The following PUM1 variants were observed in gnomAD, a reference collection of about 807,000 sequenced individuals.
PUM1 encodes the protein pumilio RNA binding family member 1, also known as pumilio homolog 1.
Under a neutral mutation model 131.8 loss-of-function variants are expected in PUM1, and 13 were observed. The ratio of observed to expected loss-of-function variants is 0.10; its 90% CI spans 0.06 to 0.16. The LOEUF is 0.16. Ranked by LOEUF, PUM1 falls within the 10% of genes least tolerant of loss-of-function variation. The probability of loss-of-function intolerance (pLI) is 1.00; values close to 1 mark genes in which losing one functional copy is unlikely to be tolerated. For synonymous variants in PUM1, 509 were observed against 556.5 expected, an observed-to-expected ratio of 0.91 and a Z score of 1.20; for missense variants, 961 against 1,512.4, an observed-to-expected ratio of 0.64 and a Z score of 6.05.
intron 2 of PUM1, among the ~76,000 whole-genome samples, chr1:31,044,226 C>A (rs1486527092): frequency 6.6e-6 from 1 of 151,930 alleles, no homozygotes; most frequent in Non-Finnish European, 1.5e-5. Flanking sequence ...ACTGTGAAAC[C>A]CCGTCTCAAC....
At chr1:30,947,085 G>A (rs1339830332) in intron 17 of PUM1, among the ~76,000 whole-genome samples, 1 of 152,096 alleles carries the variant, frequency 6.6e-6, no homozygotes, top group Non-Finnish European at 1.5e-5. Context: ...CTTACGGAGT[G>A]GACACCACCA....
intron 18 of PUM1, among the ~76,000 whole-genome samples, chr1:30,943,456 T>C (rs1639544548): frequency 6.6e-6 from 1 of 152,126 alleles, no homozygotes; most frequent in Non-Finnish European, 1.5e-5. Flanking sequence ...TTCACCGTGT[T>C]GGCCAGGCTG....
intron 1 of PUM1, among the ~76,000 whole-genome samples, chr1:31,060,794 G>A (rs1385782230): frequency 6.6e-6 from 1 of 151,772 alleles, no homozygotes; most frequent in Non-Finnish European, 1.5e-5. Flanking sequence ...GCTGAGGCAG[G>A]AGAATCGTTT....
At chr1:31,049,337 G>A (rs1369999707) in intron 2 of PUM1, among the ~76,000 whole-genome samples, 1 of 152,148 alleles carries the variant, frequency 6.6e-6, no homozygotes, top group African/African-American at 2.4e-5. Flanking sequence ...CCAACATGGT[G>A]AAACCCTGTC....
rs1167291141 is a variant in PUM1 at position 30,992,386 on chromosome 1, G to A, written c.1158+4C>T. On this transcript the variant is annotated splice_donor_region_variant and intron_variant, in intron 7 of 21. Coordinates refer to ENST00000426105, the MANE Select transcript of PUM1 (RefSeq NM_001020658.2). ...AGAGAGGGTGACAGAGACACACACAGTACCTGTTGTTGAGAATTGTAGTCA... is the reference window on the plus strand; with the variant it reads ...AGAGAGGGTGACAGAGACACACACAATACCTGTTGTTGAGAATTGTAGTCA... 1 of 1,613,102 alleles carries A rather than the reference G, an allele frequency of 6.2e-7. No individual in the cohort carries two copies. Among genetic ancestry groups the A allele is most frequent in the East Asian group, 2.2e-5 (1 of 44,872 alleles).
chr1:30,946,429 G>C (rs1307326347), intron 17 of PUM1, among the ~76,000 whole-genome samples: 1 of 151,358 alleles, frequency 6.6e-6, no homozygotes, highest in Non-Finnish European at 1.5e-5. Context: ...ACAAGGTCAG[G>C]AGTTCGAGAC....
chr1:31,059,193 CTTTT>C lies in PUM1; in HGVS notation c.363+7_363+10del. On this transcript the variant is annotated splice_region_variant and intron_variant, in intron 2 of 21. Transcript: ENST00000426105. ...GGAATGTCAAAGCTAAAATAGTGAA[CTTTT>C]TTTTACCTGATGTTCTGCATGAATG... 1 of 1,543,156 alleles carries C rather than the reference CTTTT, an allele frequency of 6.5e-7. No homozygotes were observed. The highest frequency in any genetic ancestry group is 8.7e-7 in the Non-Finnish European group (1 of 1,144,424).
Position 30,945,247 on chromosome 1 carries a change from T to C in PUM1, c.2994+99A>G. 6 of 1,370,526 alleles carry C rather than the reference T, an allele frequency of 4.4e-6. No homozygotes were observed. The South Asian group carries it at 5.1e-5, about 12-fold the overall frequency. 84.9% of individuals were successfully genotyped at this position (1,370,526 alleles called of 1,614,324 possible). Reference sequence around the variant, plus strand: ...GGATCCAGTCTCAAAAAAAATAAAGTACATTAAGCATATTGAGAACATGCC... The same window carrying C: ...GGATCCAGTCTCAAAAAAAATAAAGCACATTAAGCATATTGAGAACATGCC... On this transcript the variant is annotated intron_variant, in intron 18 of 21. Coordinates refer to ENST00000426105, the MANE Select transcript of PUM1 (RefSeq NM_001020658.2).
At chr1:31,044,243 T>C (rs1557601942) in intron 2 of PUM1, among the ~76,000 whole-genome samples, 1 of 151,616 alleles carries the variant, frequency 6.6e-6, no homozygotes, top group African/African-American at 2.4e-5. Flanking sequence ...CAACTAAAAA[T>C]ACAAAAAATT....
intron 5 of PUM1, among the ~76,000 whole-genome samples, chr1:30,996,981 A>T (rs1642003531): frequency 6.6e-6 from 1 of 152,164 alleles, no homozygotes; most frequent in East Asian, 1.9e-4. Flanking sequence ...AATAAGAATG[A>T]TCTTCCTGTT....
intron 20 of PUM1, among the ~76,000 whole-genome samples, chr1:30,937,093 G>A (rs1334931227): frequency 1.3e-5 from 2 of 152,032 alleles, no homozygotes; most frequent in African/African-American, 2.4e-5. Flanking sequence ...GACTATAGAG[G>A]GTGATCAAAT....
intron 2 of PUM1, among the ~76,000 whole-genome samples, chr1:31,042,042 C>T (rs559121664): frequency 9.9e-5 from 15 of 152,174 alleles, no homozygotes; most frequent in Admixed American, 3.9e-4. Flanking sequence ...CAGTGGCTCA[C>T]GCCTGTAATC....
intron 2 of PUM1, among the ~76,000 whole-genome samples, chr1:31,030,574 G>C (rs116391958): frequency 1.3e-3 from 201 of 152,060 alleles, no homozygotes; most frequent in Non-Finnish European, 2.2e-3. Flanking sequence ...AGCTGGGCAC[G>C]GTGATGCACG....
intron 3 of PUM1, among the ~76,000 whole-genome samples, chr1:31,024,578 G>A (rs1270552408): frequency 6.6e-6 from 1 of 152,076 alleles, no homozygotes; most frequent in African/African-American, 2.4e-5. Flanking sequence ...TCCATTTGTT[G>A]TAGAAATAAG....
chr1:30,997,479 C>T (rs1184899514), intron 5 of PUM1, among the ~76,000 whole-genome samples: 1 of 143,842 alleles, frequency 7.0e-6, no homozygotes, highest in Non-Finnish European at 1.5e-5. Flanking sequence ...GCCTAGGCAA[C>T]AAGAGTGAAA....
At chr1:31,040,876 C>T (rs1346197807) in intron 2 of PUM1, among the ~76,000 whole-genome samples, 1 of 152,096 alleles carries the variant, frequency 6.6e-6, no homozygotes, top group Non-Finnish European at 1.5e-5. Context: ...CACACACACA[C>T]GAGTGCGTGA....
intron 2 of PUM1, 67 bp from the exon 3 acceptor site, chr1:31,028,931 C>T: frequency 8.1e-7 from 1 of 1,233,692 alleles, no homozygotes; most frequent in Non-Finnish European, 1.2e-6. Context: ...ACACATTACA[C>T]ACAATTGAAA....
chr1:30,936,193 G>C (rs1343635600), intron 21 of PUM1, among the ~76,000 whole-genome samples: 2 of 151,116 alleles, frequency 1.3e-5, no homozygotes, highest in Non-Finnish European at 3.0e-5. Context: ...TGTACTCTGT[G>C]GGCAGGGATC....
intron 5 of PUM1, among the ~76,000 whole-genome samples, chr1:31,000,758 A>G (rs1358746186): frequency 6.6e-6 from 1 of 152,210 alleles, no homozygotes; most frequent in African/African-American, 2.4e-5. Flanking sequence ...AACTATAACA[A>G]TGTTAACTAA....
Sources: gnomAD v4.1 joint callset for allele counts (sites outside exome capture counted in the v4.1 genomes callset) on GRCh38, gnomAD v4.1.1 for gene constraint, MANE v1.5 for transcripts, NCBI Gene and HGNC (gene_info 2026-07-23, HGNC 2026-07-21) for gene names.